Variants in EIF3H observed in about 807,000 individuals in gnomAD.
EIF3H encodes eukaryotic translation initiation factor 3 subunit H.
Under a neutral mutation model 44.2 loss-of-function variants are expected in EIF3H, and 26 were observed. That is an observed-to-expected ratio of 0.59 (90% CI 0.43 to 0.82). The LOEUF (loss-of-function observed/expected upper bound fraction) is 0.82. Ranked by LOEUF, EIF3H falls within the 40% of genes least tolerant of loss-of-function variation. The pLI is 0.00. For synonymous variants in EIF3H, 166 were observed against 151.9 expected, an observed-to-expected ratio of 1.09 and a Z score of -0.68; for missense variants, 359 against 432.8, an observed-to-expected ratio of 0.83 and a Z score of 1.51.
chr8:116,680,691 G>GAAGGCC (rs1813968797), intron 2 of EIF3H, among the ~76,000 whole-genome samples: 1 of 135,024 alleles, frequency 7.4e-6, no homozygotes, highest in African/African-American at 2.8e-5. Flanking sequence ...AAACACTGCG[G>GAAGGCC]AAGGCCGCAG....
intron 1 of EIF3H, among the ~76,000 whole-genome samples, chr8:116,750,529 C>T (rs1815314398): frequency 6.6e-6 from 1 of 151,926 alleles, no homozygotes; most frequent in Admixed American, 6.6e-5. Flanking sequence ...CCTGCCTCAG[C>T]CTCCTGAGTA....
intron 2 of EIF3H, among the ~76,000 whole-genome samples, chr8:116,676,338 T>G (rs969412601): frequency 4.6e-5 from 7 of 152,238 alleles, no homozygotes; most frequent in African/African-American, 1.7e-4. Flanking sequence ...GGACTTTTAA[T>G]TGACTCACAG....
chr8:116,704,636 T>C (rs150484237), intron 2 of EIF3H, among the ~76,000 whole-genome samples: 1 of 152,328 alleles, frequency 6.6e-6, no homozygotes, highest in African/African-American at 2.4e-5. Flanking sequence ...AACAGGAAGA[T>C]ATCCTCGGCG....
At chr8:116,722,747 A>AT (rs1015820428) in intron 2 of EIF3H, among the ~76,000 whole-genome samples, 9 of 152,154 alleles carry the variant, frequency 5.9e-5, no homozygotes, top group East Asian at 1.9e-4. Context: ...CTAAATGATC[A>AT]TTTTTTTTAA....
exon 1 of EIF3H, chr8:116,765,530 C>T (rs942060685): frequency 1.3e-5 from 2 of 152,158 alleles, no homozygotes; most frequent in Non-Finnish European, 1.5e-5. Context: ...AGTGGATACT[C>T]GACAGTTAGC....
chr8:116,762,032 A>G (rs535852676), intron 1 of EIF3H, among the ~76,000 whole-genome samples: 2 of 152,362 alleles, frequency 1.3e-5, no homozygotes, highest in Non-Finnish European at 2.9e-5. Context: ...TATAGTATGT[A>G]AAGAAAGATT....
chr8:116,686,877 G>C (rs1161655373), intron 2 of EIF3H, among the ~76,000 whole-genome samples: 1 of 152,052 alleles, frequency 6.6e-6, no homozygotes, highest in African/African-American at 2.4e-5. Context: ...AAATTTTTAG[G>C]GTAATCTTCA....
At chr8:116,751,969 ACTAC>A (rs1197333874) in intron 1 of EIF3H, among the ~76,000 whole-genome samples, 11 of 152,248 alleles carry the variant, frequency 7.2e-5, no homozygotes, top group South Asian at 2.1e-4. Context: ...ACTTCGTTAC[ACTAC>A]CTATGTCAAG....
intron 1 of EIF3H, among the ~76,000 whole-genome samples, chr8:116,762,140 A>T (rs1385251813): frequency 6.6e-6 from 1 of 152,254 alleles, no homozygotes; most frequent in Non-Finnish European, 1.5e-5. Flanking sequence ...ATTGACTGAC[A>T]TCAGCTAACA....
intron 2 of EIF3H, among the ~76,000 whole-genome samples, chr8:116,660,772 TACCAGAC>T (rs953544536): frequency 2.6e-4 from 40 of 152,098 alleles, no homozygotes; most frequent in African/African-American, 8.9e-4. Flanking sequence ...GAGAAGGTGA[TACCAGAC>T]ACCAGACACC....
intron 2 of EIF3H, chr8:116,697,009 G>A (rs934887810): frequency 6.8e-6 from 3 of 444,428 alleles, no homozygotes; most frequent in Non-Finnish European, 9.1e-6. Context: ...TACAATTAGG[G>A]CACAGAGATA....
chr8:116,662,806 C>T (rs1246255513), intron 2 of EIF3H, among the ~76,000 whole-genome samples: 1 of 152,214 alleles, frequency 6.6e-6, no homozygotes, highest in East Asian at 1.9e-4. Context: ...GTATTTACCC[C>T]TTTGGCCTAT....
intron 1 of EIF3H, among the ~76,000 whole-genome samples, chr8:116,751,217 AAAAAT>A (rs369075600): frequency 0.012 from 1,783 of 147,188 alleles, 30 homozygotes; most frequent in African/African-American, 0.039. Context: ...GTCTCAAAAA[AAAAAT>A]AAAATAAAAT....
intron 2 of EIF3H, among the ~76,000 whole-genome samples, chr8:116,683,512 T>C (rs1814025105): frequency 6.6e-6 from 1 of 152,176 alleles, no homozygotes; most frequent in Non-Finnish European, 1.5e-5. Flanking sequence ...CCTCCAGCTA[T>C]CATCACACTG....
intron 1 of EIF3H, among the ~76,000 whole-genome samples, chr8:116,763,818 A>G (rs1273096945): frequency 6.6e-6 from 1 of 152,202 alleles, no homozygotes; most frequent in East Asian, 1.9e-4. Flanking sequence ...TACGAAATTA[A>G]ACAAAATTAT....
chr8:116,749,113 G>A (rs2130983290), intron 1 of EIF3H, among the ~76,000 whole-genome samples: 1 of 152,190 alleles, frequency 6.6e-6, no homozygotes, highest in Non-Finnish European at 1.5e-5. Context: ...ACTTAAAGGG[G>A]AAAACAAAAT....
intron 1 of EIF3H, among the ~76,000 whole-genome samples, chr8:116,762,370 G>A (rs368479239): frequency 3.3e-5 from 5 of 152,282 alleles, no homozygotes; most frequent in Admixed American, 1.3e-4. Context: ...AGTTGCGAGC[G>A]ATCCAAGCTC....
At chr8:116,649,321 G>T (rs1217830725) in intron 5 of EIF3H, among the ~76,000 whole-genome samples, 2 of 152,150 alleles carry the variant, frequency 1.3e-5, no homozygotes, top group Non-Finnish European at 2.9e-5. Context: ...TCACAGGAAA[G>T]AACCACACAG....
At chr8:116,709,973 T>C (rs184615951) in intron 2 of EIF3H, among the ~76,000 whole-genome samples, 181 of 152,290 alleles carry the variant, frequency 1.2e-3, no homozygotes, top group African/African-American at 4.1e-3. Flanking sequence ...AAAGAGCTAG[T>C]TGGACTGGTT....
Sources: gnomAD v4.1 joint callset for allele counts (sites outside exome capture counted in the v4.1 genomes callset) on GRCh38, gnomAD v4.1.1 for gene constraint, MANE v1.5 for transcripts, NCBI Gene and HGNC (gene_info 2026-07-23, HGNC 2026-07-21) for gene names.